Variants in KLF12 observed in about 807,000 individuals in gnomAD.
KLF12 encodes the protein KLF transcription factor 12, also known as Krueppel-like factor 12.
Under a neutral mutation model 37.8 loss-of-function variants are expected in KLF12, and 9 were observed. The ratio of observed to expected loss-of-function variants is 0.24; its 90% CI spans 0.14 to 0.42. The LOEUF is 0.42. Ranked by LOEUF, KLF12 falls within the 10% of genes least tolerant of loss-of-function variation. The pLI is 1.00. For missense variants in KLF12, 411 were observed against 516.0 expected, an observed-to-expected ratio of 0.80 and a Z score of 1.97; for synonymous variants, 208 against 202.1, an observed-to-expected ratio of 1.03 and a Z score of -0.25.
intron 2 of KLF12, among the ~76,000 whole-genome samples, chr13:73,971,134 A>G (rs964152885): frequency 6.6e-6 from 1 of 152,256 alleles, no homozygotes; most frequent in Admixed American, 6.5e-5. Context: ...TTTTAAAAAT[A>G]CATATTGATA....
the KLF12 span, among the ~76,000 whole-genome samples, chr13:74,264,966 A>G: frequency 6.6e-6 from 1 of 152,194 alleles, no homozygotes; most frequent in Admixed American, 6.5e-5. Flanking sequence ...TGTATAGATT[A>G]TTGATCATGC....
At chr13:73,777,845 C>G (rs1170518929) in intron 5 of KLF12, among the ~76,000 whole-genome samples, 2 of 151,160 alleles carry the variant, frequency 1.3e-5, no homozygotes, top group Non-Finnish European at 2.9e-5. Context: ...TTAAAGAAAA[C>G]AGAAGCCTGG....
At chr13:73,854,238 C>T (rs1334114822) in intron 3 of KLF12, among the ~76,000 whole-genome samples, 2 of 152,164 alleles carry the variant, frequency 1.3e-5, no homozygotes, top group East Asian at 3.8e-4. Context: ...AAATCTTTAT[C>T]CTAAACCACA....
intron 1 of KLF12, among the ~76,000 whole-genome samples, chr13:74,089,734 G>GAA (rs35019675): frequency 2.2e-4 from 23 of 105,664 alleles, no homozygotes; most frequent in African/African-American, 4.6e-4. Context: ...ACCATTTATT[G>GAA]AAAAAAAAAA....
intron 1 of KLF12, among the ~76,000 whole-genome samples, chr13:74,013,853 CT>C (rs752776960): frequency 1.4e-3 from 201 of 143,546 alleles, no homozygotes; most frequent in Admixed American, 1.5e-3. Context: ...TTCTTCTTTT[CT>C]TTTTTTTTTT....
chr13:74,278,601 C>G, the KLF12 span, among the ~76,000 whole-genome samples: 1 of 152,130 alleles, frequency 6.6e-6, no homozygotes, highest in African/African-American at 2.4e-5. Context: ...TTAAAAACCC[C>G]CTCTTTTGAC....
chr13:73,889,905 C>T (rs751849313), intron 3 of KLF12, among the ~76,000 whole-genome samples: 3 of 152,054 alleles, frequency 2.0e-5, no homozygotes, highest in Non-Finnish European at 4.4e-5. Context: ...AGTAGTTCTG[C>T]ATTTTTAAAT....
In KLF12 at chr13:73,887,486, C is replaced by T. The variant is rs571852428; in HGVS notation, c.124-41113G>A. On this transcript the variant is annotated intron_variant, in intron 3 of 7. Transcript: ENST00000377669. ...CTTCCTCCTCTCTCTTGCTCCTGCT[C>T]ACCCCATGTTAAACGGCTACTTCCC... 3.9e-4 allele frequency among the ~76,000 whole-genome samples: 59 copies of T among 152,258 alleles called. 1 individual carries two copies. In the South Asian group the frequency reaches 0.012, roughly 32 times the overall value.
At chr13:73,779,144 T>C (rs1323554412) in intron 5 of KLF12, among the ~76,000 whole-genome samples, 1 of 152,142 alleles carries the variant, frequency 6.6e-6, no homozygotes, top group African/African-American at 2.4e-5. Flanking sequence ...CCTAAAACCT[T>C]TGGTATTTTT....
the KLF12 span, among the ~76,000 whole-genome samples, chr13:74,162,377 CTT>C: frequency 6.6e-6 from 1 of 152,232 alleles, no homozygotes; most frequent in South Asian, 2.1e-4. Flanking sequence ...ACCAATGTCT[CTT>C]TTATCTCAAC....
In KLF12 at chr13:73,856,655, T is replaced by C. The variant is rs190792400; in HGVS notation, c.124-10282A>G. On this transcript the variant is annotated intron_variant, in intron 3 of 7. Coordinates refer to ENST00000377669, the MANE Select transcript of KLF12 (RefSeq NM_007249.5). Reference sequence around the variant, plus strand: ...TACTCAACTTTAAAAAATAAGGTAATGTTTGGAAGTGGCACCCTCAAGCAA... The same window carrying C: ...TACTCAACTTTAAAAAATAAGGTAACGTTTGGAAGTGGCACCCTCAAGCAA... Among the ~76,000 whole-genome samples, 326 of 152,142 alleles carry C rather than the reference T, an allele frequency of 2.1e-3. 2 individuals are homozygous for C. The highest frequency in any genetic ancestry group is 6.7e-3 in the African/African-American group (280 of 41,504).
chr13:74,060,305 T>C (rs1023448209), intron 1 of KLF12, among the ~76,000 whole-genome samples: 8 of 152,198 alleles, frequency 5.3e-5, no homozygotes, highest in African/African-American at 1.9e-4. Flanking sequence ...ATAACTTTGG[T>C]ATTTTCATAG....
chr13:74,038,260 A>G (rs1256234632), intron 1 of KLF12, among the ~76,000 whole-genome samples: 2 of 152,202 alleles, frequency 1.3e-5, no homozygotes, highest in Non-Finnish European at 1.5e-5. Flanking sequence ...CTGTGAACTT[A>G]TAACTATTCA....
the KLF12 span, among the ~76,000 whole-genome samples, chr13:74,143,711 A>T: frequency 5.5e-4 from 83 of 152,166 alleles, no homozygotes; most frequent in African/African-American, 1.9e-3. Flanking sequence ...CCAACCTACA[A>T]TTTTTTTACT....
At chr13:73,961,261 A>C (rs1397161960) in intron 2 of KLF12, among the ~76,000 whole-genome samples, 1 of 152,146 alleles carries the variant, frequency 6.6e-6, no homozygotes, top group African/African-American at 2.4e-5. Flanking sequence ...GCATTTTTGG[A>C]AGAACTAAAA....
At chr13:74,255,151 T>C in the KLF12 span, among the ~76,000 whole-genome samples, 1 of 152,234 alleles carries the variant, frequency 6.6e-6, no homozygotes, top group Non-Finnish European at 1.5e-5. Flanking sequence ...AGTAAACTAA[T>C]ACTTTAAGGA....
the KLF12 span, among the ~76,000 whole-genome samples, chr13:74,159,091 G>A: frequency 6.6e-6 from 1 of 152,122 alleles, no homozygotes; most frequent in African/African-American, 2.4e-5. Flanking sequence ...CCTTGAGGCA[G>A]AGCTAAGATC....
At chr13:74,170,357 G>GC in the KLF12 span, among the ~76,000 whole-genome samples, 1 of 151,952 alleles carries the variant, frequency 6.6e-6, no homozygotes, top group Non-Finnish European at 1.5e-5. Flanking sequence ...ATTTATAAAG[G>GC]CTTTTATATA....
At chr13:74,007,173 A>T (rs1892429338) in intron 1 of KLF12, among the ~76,000 whole-genome samples, 1 of 152,038 alleles carries the variant, frequency 6.6e-6, no homozygotes, top group African/African-American at 2.4e-5. Context: ...TGTAAATAGG[A>T]CTGCCTTTAA....
Sources: allele counts gnomAD v4.1 joint callset (sites outside exome capture counted in the v4.1 genomes callset), GRCh38; gene constraint gnomAD v4.1.1; transcripts MANE v1.5; gene names NCBI Gene and HGNC (gene_info 2026-07-23, HGNC 2026-07-21).